Variants in BCKDHB observed in about 807,000 individuals in gnomAD.
The protein encoded by BCKDHB is 2-oxoisovalerate dehydrogenase subunit beta, mitochondrial.
In BCKDHB, 41 loss-of-function variants were observed where a neutral mutation model predicts 48.5. The ratio of observed to expected loss-of-function variants is 0.85; its 90% CI spans 0.66 to 1.10. The LOEUF is 1.10. BCKDHB is among the 50% of genes least tolerant of loss of function. BCKDHB has a pLI of 0.00. For missense variants in BCKDHB, 496 were observed against 494.2 expected, an observed-to-expected ratio of 1.00 and a Z score of -0.03; for synonymous variants, 201 against 174.8, an observed-to-expected ratio of 1.15 and a Z score of -1.18.
At chr6:80,194,473 A>C (rs937568966) in intron 6 of BCKDHB, among the ~76,000 whole-genome samples, 2 of 152,128 alleles carry the variant, frequency 1.3e-5, no homozygotes, top group Non-Finnish European at 2.9e-5. Context: ...CTGAGATTCT[A>C]TCCAGAGTCT....
chr6:80,323,286 C>G (rs1768843745), intron 9 of BCKDHB, among the ~76,000 whole-genome samples: 1 of 152,056 alleles, frequency 6.6e-6, no homozygotes, highest in Non-Finnish European at 1.5e-5. Flanking sequence ...TTGTTTTCTG[C>G]TATTAATGCC....
intron 8 of BCKDHB, among the ~76,000 whole-genome samples, chr6:80,267,867 G>T (rs1048747740): frequency 6.6e-5 from 10 of 151,864 alleles, no homozygotes. Flanking sequence ...AATTGTCTTT[G>T]TGCTCTGCTT....
chr6:80,248,116 T>C (rs1776688541), intron 8 of BCKDHB, among the ~76,000 whole-genome samples: 1 of 152,242 alleles, frequency 6.6e-6, no homozygotes, highest in Non-Finnish European at 1.5e-5. Flanking sequence ...TTCTCCCTTA[T>C]CTAGTTTTCC....
At chr6:80,443,932 C>T in the BCKDHB span, among the ~76,000 whole-genome samples, 1 of 151,768 alleles carries the variant, frequency 6.6e-6, no homozygotes, top group Non-Finnish European at 1.5e-5. Context: ...TAAGCCAAGA[C>T]TTAGTTACAT....
rs2127726226 is a variant in BCKDHB, at chr6:80,127,634, A to T, written c.274+10A>T. On this transcript the variant is annotated intron_variant, in intron 2 of 9. Transcript: ENST00000320393. ...AAAGATCCTACTGCAGGTAACCCTG[A>T]TATGTGCCTGAATTGTGGTAGCTGT... is the stretch of plus-strand genomic sequence containing the variant. The T allele has an allele frequency of 5.6e-6, 9 of 1,605,260 alleles. No homozygotes were observed. Among genetic ancestry groups the T allele is most frequent in the Non-Finnish European group, 7.7e-6 (9 of 1,172,056 alleles).
chr6:80,255,021 C>T (rs114587214), intron 8 of BCKDHB, among the ~76,000 whole-genome samples: 1 of 152,172 alleles, frequency 6.6e-6, no homozygotes, highest in South Asian at 2.1e-4. Flanking sequence ...TAGAACAATG[C>T]TTTCTTTGGG....
At chr6:80,356,746 T>A in the BCKDHB span, 1 of 152,168 alleles carries the variant, frequency 6.6e-6, no homozygotes, top group East Asian at 1.9e-4. Context: ...TATTGCATAA[T>A]CTTTCTGTTT....
intron 1 of BCKDHB, among the ~76,000 whole-genome samples, chr6:80,115,359 TC>T (rs1385314421): frequency 6.6e-6 from 1 of 152,194 alleles, no homozygotes; most frequent in Non-Finnish European, 1.5e-5. Flanking sequence ...ATTTGGGTTC[TC>T]CCTCAGTCTT....
At position 80,167,743 on chromosome 6, in the gene BCKDHB, G is replaced by A; in HGVS notation, c.409G>A (p.Ala137Thr). 6.2e-7 allele frequency: 1 copy of A among 1,613,076 alleles called. No homozygotes were observed. The highest frequency in any genetic ancestry group is 8.5e-7 in the Non-Finnish European group (1 of 1,179,126). ...QGIVGFGIGI[A>T]VTGATAIAEI... ...AATTGTTGGATTTGGAATCGGAATT[G>A]CGGTCACTGGAGCTACTGCCATTGC... Residue 137 changes from alanine (A) to threonine (T), a missense_variant, in exon 4 of 10, where the codon GCG becomes ACG. Transcript: ENST00000320393.
intron 8 of BCKDHB, among the ~76,000 whole-genome samples, chr6:80,239,295 A>G (rs1276573029): frequency 1.3e-5 from 2 of 152,286 alleles, no homozygotes; most frequent in South Asian, 4.1e-4. Context: ...TCACCATTCT[A>G]ACTGGTGTGA....
chr6:80,253,585 G>C (rs1375389882), intron 8 of BCKDHB, among the ~76,000 whole-genome samples: 1 of 151,998 alleles, frequency 6.6e-6, no homozygotes, highest in African/African-American at 2.4e-5. Context: ...ACTTCCAAAG[G>C]AAAAATTACG....
intron 8 of BCKDHB, among the ~76,000 whole-genome samples, chr6:80,261,134 G>A (rs967323604): frequency 2.6e-5 from 4 of 152,148 alleles, no homozygotes; most frequent in African/African-American, 7.2e-5. Flanking sequence ...CTAAATGAAA[G>A]CTCTTTGCAG....
At chr6:80,361,304 G>C in the BCKDHB span, among the ~76,000 whole-genome samples, 7 of 152,124 alleles carry the variant, frequency 4.6e-5, no homozygotes, top group African/African-American at 9.7e-5. Flanking sequence ...AGAATAATTG[G>C]CCCAGCTTGG....
the BCKDHB span, among the ~76,000 whole-genome samples, chr6:80,439,468 G>T: frequency 6.6e-6 from 1 of 151,998 alleles, no homozygotes; most frequent in African/African-American, 2.4e-5. Flanking sequence ...CAACTATTTG[G>T]TCCATCCTAG....
chr6:80,310,554 A>C (rs1298717143), intron 9 of BCKDHB, among the ~76,000 whole-genome samples: 1 of 152,200 alleles, frequency 6.6e-6, no homozygotes, highest in East Asian at 1.9e-4. Flanking sequence ...ATAGTACTGC[A>C]TTGAATATAT....
At chr6:80,195,356 G>A (rs1352543888) in intron 6 of BCKDHB, among the ~76,000 whole-genome samples, 2 of 152,022 alleles carry the variant, frequency 1.3e-5, no homozygotes, top group Non-Finnish European at 2.9e-5. Flanking sequence ...TAGTTTTCTT[G>A]TTCATATATT....
chr6:80,315,211 C>G (rs1447358496), intron 9 of BCKDHB, among the ~76,000 whole-genome samples: 1 of 152,182 alleles, frequency 6.6e-6, no homozygotes, highest in Non-Finnish European at 1.5e-5. Flanking sequence ...CTCTGGGTCT[C>G]TGTGCTGCCT....
intron 1 of BCKDHB, among the ~76,000 whole-genome samples, chr6:80,112,094 C>T (rs60968904): frequency 0.012 from 1,773 of 152,228 alleles, 33 homozygotes; most frequent in African/African-American, 0.04. Flanking sequence ...AATTTATGAG[C>T]GCTCCTTTAA....
chr6:80,196,388 C>T (rs1323133953), intron 6 of BCKDHB, among the ~76,000 whole-genome samples: 5 of 152,060 alleles, frequency 3.3e-5, no homozygotes, highest in South Asian at 2.1e-4. Flanking sequence ...TTGTATCCTC[C>T]GTGATGAAAC....
Sources: allele counts gnomAD v4.1 joint callset (sites outside exome capture counted in the v4.1 genomes callset), GRCh38; gene constraint gnomAD v4.1.1; transcripts MANE v1.5; gene names NCBI Gene and HGNC (gene_info 2026-07-23, HGNC 2026-07-21).